UBE2QL1: variants seen among roughly 807,000 people sequenced by gnomAD.
UBE2QL1 encodes ubiquitin-conjugating enzyme E2Q-like protein 1.
A neutral mutation model predicts 12.6 loss-of-function variants in UBE2QL1; 5 were observed. That is an observed-to-expected ratio of 0.40 (90% confidence interval 0.21 to 0.83). The LOEUF is 0.83. Ranked by LOEUF, UBE2QL1 falls within the 40% of genes least tolerant of loss-of-function variation. UBE2QL1 has a pLI of 0.37. For missense variants in UBE2QL1, 99 were observed against 222.6 expected, an observed-to-expected ratio of 0.44 and a Z score of 3.53; for synonymous variants, 96 against 94.5, an observed-to-expected ratio of 1.02 and a Z score of -0.10.
intron 1 of UBE2QL1, among the ~76,000 whole-genome samples, chr5:6,470,845 G>A (rs1739900238): frequency 6.6e-6 from 1 of 152,174 alleles, no homozygotes; most frequent in African/African-American, 2.4e-5. Context: ...CTGGATCAAA[G>A]GGTGGGAACA....
intron 1 of UBE2QL1, among the ~76,000 whole-genome samples, chr5:6,473,419 G>A (rs1372449030): frequency 6.6e-6 from 1 of 152,164 alleles, no homozygotes; most frequent in Non-Finnish European, 1.5e-5. Context: ...AGCAGGGTGA[G>A]GGGAGCATGT....
rs1734285121 is a variant in UBE2QL1 at position 6,478,534 on chromosome 5, G to A, written c.355-12684G>A. Reference sequence around the variant, plus strand: ...GAAGCTCCTGCTAGCAGGGCAGACAGCGAATGGTGGCTGCCTCTGTTTTGA... The same window carrying A: ...GAAGCTCCTGCTAGCAGGGCAGACAACGAATGGTGGCTGCCTCTGTTTTGA... On this transcript the variant is annotated intron_variant, in intron 1 of 1. Transcript: ENST00000399816. The surrounding 1 kb of genome is among the most constrained non-coding windows in gnomAD (Gnocchi z 4.5). 6.6e-6 allele frequency among the ~76,000 whole-genome samples: 1 copy of A among 152,196 alleles called. No individual in the cohort carries two copies. Among genetic ancestry groups the A allele is most frequent in the African/African-American group, 2.4e-5 (1 of 41,450 alleles).
At chr5:6,454,962 C>G (rs1468495659) in intron 1 of UBE2QL1, among the ~76,000 whole-genome samples, 1 of 152,184 alleles carries the variant, frequency 6.6e-6, no homozygotes, top group Non-Finnish European at 1.5e-5. Flanking sequence ...ACAGGCAGGA[C>G]TGCATCCTAA....
intron 1 of UBE2QL1, among the ~76,000 whole-genome samples, chr5:6,451,596 T>C (rs1017728592): frequency 2.0e-5 from 3 of 152,244 alleles, no homozygotes; most frequent in Non-Finnish European, 4.4e-5. Flanking sequence ...ATCTCAGCAC[T>C]TTTTAAAGTG....
chr5:6,487,016 C>A (rs1342359077), intron 1 of UBE2QL1, among the ~76,000 whole-genome samples: 1 of 152,198 alleles, frequency 6.6e-6, no homozygotes, highest in Non-Finnish European at 1.5e-5. Flanking sequence ...TGGTTATCCG[C>A]CCACAGTGGA....
At chr5:6,470,810 T>C (rs948185223) in intron 1 of UBE2QL1, among the ~76,000 whole-genome samples, 3 of 152,080 alleles carry the variant, frequency 2.0e-5, no homozygotes, top group African/African-American at 4.8e-5. Flanking sequence ...CTAATTACCA[T>C]AGGGAAACTC....
chr5:6,485,817 T>G (rs1266191302), intron 1 of UBE2QL1, among the ~76,000 whole-genome samples: 1 of 152,208 alleles, frequency 6.6e-6, no homozygotes, highest in Non-Finnish European at 1.5e-5. Flanking sequence ...GAGAAAAAGC[T>G]AATCAAGTAA....
chr5:6,468,219 G>T (rs150886057), intron 1 of UBE2QL1, among the ~76,000 whole-genome samples: 1 of 152,126 alleles, frequency 6.6e-6, no homozygotes, highest in Non-Finnish European at 1.5e-5. Flanking sequence ...TCTTGAAAAT[G>T]CCTTGTCCTG....
At position 6,488,123 on chromosome 5, in the gene UBE2QL1, C is replaced by T. The variant is rs948113947; in HGVS notation, c.355-3095C>T. Among the ~76,000 whole-genome samples, 5 of 152,162 alleles carry T rather than the reference C, an allele frequency of 3.3e-5. No homozygotes were observed. The South Asian group carries it at 6.2e-4, about 19-fold the overall frequency. On this transcript the variant is annotated intron_variant, in intron 1 of 1. Transcript: ENST00000399816. ...TTATCACAGTGTAGTGCAATAAATG[C>T]GCTGAGCCTCTGACTGGCTCATAAC...
At chr5:6,474,767 G>T (rs565139307) in intron 1 of UBE2QL1, among the ~76,000 whole-genome samples, 1 of 152,266 alleles carries the variant, frequency 6.6e-6, no homozygotes, top group East Asian at 1.9e-4. Flanking sequence ...TTTAGTACTG[G>T]AATAATGCGT....
intron 1 of UBE2QL1, among the ~76,000 whole-genome samples, chr5:6,464,864 G>A (rs139849803): frequency 0.033 from 5,048 of 152,332 alleles, 159 homozygotes; most frequent in Admixed American, 0.11. Context: ...AGGGCCATCT[G>A]TGCTGGTCCC....
intron 1 of UBE2QL1, among the ~76,000 whole-genome samples, chr5:6,477,442 AGGATAG>A (rs1734259909): frequency 6.6e-6 from 1 of 152,138 alleles, no homozygotes; most frequent in African/African-American, 2.4e-5. Context: ...CAGCCTGCTG[AGGATAG>A]GTGTGCCCGG....
chr5:6,490,909 G>T (rs978527454), intron 1 of UBE2QL1, among the ~76,000 whole-genome samples: 10 of 152,182 alleles, frequency 6.6e-5, no homozygotes, highest in Non-Finnish European at 8.8e-5. Context: ...AGGAACTGGG[G>T]CAGAGATTTC....
rs1432206047 is a variant in UBE2QL1, at chr5:6,479,477, AT to A, written c.355-11740del. Among the ~76,000 whole-genome samples the A allele has an allele frequency of 6.6e-6, 1 of 152,170 alleles. No homozygotes were observed. The highest frequency in any genetic ancestry group is 6.5e-5 in the Admixed American group (1 of 15,290). ...GGGGTCTCTGGGGCTAGTCAGGGAA[AT>A]GTGTGCCTTAATGGAGCCAAGTCCA... is the stretch of plus-strand genomic sequence containing the variant. On this transcript the variant is annotated intron_variant, in intron 1 of 1. Transcript: ENST00000399816. This position sits in a 1 kb window ranked among gnomAD's most constrained non-coding sequence, Gnocchi z 4.2.
chr5:6,464,472 G>A (rs759146209), intron 1 of UBE2QL1, among the ~76,000 whole-genome samples: 3 of 152,206 alleles, frequency 2.0e-5, no homozygotes, highest in Non-Finnish European at 2.9e-5. Flanking sequence ...GTCTGATTAG[G>A]TTCTGAAGGT....
rs756347229 is a variant in UBE2QL1, at chr5:6,493,144, T to A, written c.*1795T>A. 1.3e-5 allele frequency: 2 copies of A among 152,236 alleles called. No homozygotes were observed. The highest frequency in any genetic ancestry group is 4.1e-4 in the South Asian group (2 of 4,824). 9.4% of individuals were successfully genotyped at this position (152,236 alleles called of 1,614,324 possible). A position where few individuals can be genotyped will look rare whatever the true frequency, so the allele number is the denominator to read the frequency against. ...TCAGCTTCCCTGTGAGTCATAATAG[T>A]CGTGAAACTTGATGACAGTGAACTT... On this transcript the variant is annotated 3_prime_UTR_variant, in exon 2 of 2. Coordinates refer to ENST00000399816, the MANE Select transcript of UBE2QL1 (RefSeq NM_001145161.3).
At position 6,491,366 on chromosome 5, in the gene UBE2QL1, T is replaced by C. The variant is rs1162715904; in HGVS notation, c.*17T>C. 3 of 1,543,738 alleles carry C rather than the reference T, an allele frequency of 1.9e-6. No individual in the cohort carries two copies. Among genetic ancestry groups the C allele is most frequent in the South Asian group, 2.4e-5 (2 of 82,684 alleles). ...GACGGCTGATGTCTGCCACGTGCAGTAGACGCTCGAGCGCCTGTCCACACA... is the reference window on the plus strand; with the variant it reads ...GACGGCTGATGTCTGCCACGTGCAGCAGACGCTCGAGCGCCTGTCCACACA... On this transcript the variant is annotated 3_prime_UTR_variant, in exon 2 of 2. Coordinates refer to ENST00000399816, the MANE Select transcript of UBE2QL1 (RefSeq NM_001145161.3).
chr5:6,452,760 C>G (rs562660402), intron 1 of UBE2QL1, among the ~76,000 whole-genome samples: 2 of 152,196 alleles, frequency 1.3e-5, no homozygotes, highest in Non-Finnish European at 1.5e-5. Flanking sequence ...GGAATGCTGG[C>G]CATGAAGAGT....
chr5:6,463,950 T>G (rs1308300107), intron 1 of UBE2QL1, among the ~76,000 whole-genome samples: 1 of 151,504 alleles, frequency 6.6e-6, no homozygotes, highest in African/African-American at 2.4e-5. Flanking sequence ...TGCACCAAAT[T>G]TTTGTTTCAG....
Sources: gnomAD v4.1 joint callset for allele counts (sites outside exome capture counted in the v4.1 genomes callset) on GRCh38, gnomAD v4.1.1 for gene constraint, Gnocchi (gnomAD v3.1) non-coding constraint, MANE v1.5 for transcripts, NCBI Gene and HGNC (gene_info 2026-07-23, HGNC 2026-07-21) for gene names.